The following MCC variants were observed in gnomAD, a reference collection of about 807,000 sequenced individuals.
The protein encoded by MCC is MCC regulator of Wnt signaling pathway.
Under a neutral mutation model 116.2 loss-of-function variants are expected in MCC, and 90 were observed. That is an observed-to-expected ratio of 0.77 (90% CI 0.65 to 0.92). The LOEUF is 0.92. Among genes scored for constraint, MCC ranks in the 40% least tolerant of loss-of-function variants. The pLI, the probability that MCC is intolerant of heterozygous loss-of-function variation, is 0.00. For missense variants in MCC, 1,516 were observed against 1,312.2 expected, an observed-to-expected ratio of 1.16 and a Z score of -2.40; for synonymous variants, 578 against 510.5, an observed-to-expected ratio of 1.13 and a Z score of -1.78.
intron 1 of MCC, among the ~76,000 whole-genome samples, chr5:113,474,283 G>A (rs1444445902): frequency 6.6e-6 from 1 of 152,164 alleles, no homozygotes; most frequent in African/African-American, 2.4e-5. Context: ...GTAGGAGTAT[G>A]TGCAAGGTAC....
At chr5:113,401,853 T>G (rs2150399057) in intron 1 of MCC, among the ~76,000 whole-genome samples, 1 of 152,030 alleles carries the variant, frequency 6.6e-6, no homozygotes, top group Middle Eastern at 3.4e-3. Context: ...TTAAAATTAT[T>G]ATTACTATTT....
intron 1 of MCC, among the ~76,000 whole-genome samples, chr5:113,393,190 G>A (rs565423895): frequency 1.3e-5 from 2 of 152,252 alleles, no homozygotes; most frequent in East Asian, 1.9e-4. Context: ...ACATGCATTT[G>A]TAATGTTGTT....
At chr5:113,357,286 A>G (rs925048867) in intron 2 of MCC, among the ~76,000 whole-genome samples, 1 of 152,238 alleles carries the variant, frequency 6.6e-6, no homozygotes, top group Admixed American at 6.5e-5. Context: ...ATTTTAGATA[A>G]TAGAAAGCAA....
At chr5:113,470,090 G>T (rs1772039617) in intron 1 of MCC, among the ~76,000 whole-genome samples, 1 of 150,880 alleles carries the variant, frequency 6.6e-6, no homozygotes, top group African/African-American at 2.4e-5. Context: ...CACATGAGAT[G>T]GGTTTCCTGA....
intron 3 of MCC, among the ~76,000 whole-genome samples, chr5:113,250,186 C>G (rs952441511): frequency 6.6e-6 from 1 of 152,186 alleles, no homozygotes; most frequent in South Asian, 2.1e-4. Context: ...ATAAGTCACA[C>G]AGGGCACTCT....
chr5:113,149,246 A>G (rs1240930143), intron 4 of MCC, among the ~76,000 whole-genome samples: 1 of 152,088 alleles, frequency 6.6e-6, no homozygotes, highest in Non-Finnish European at 1.5e-5. Context: ...TCTTAAAAAA[A>G]AAACACTGTA....
chr5:113,292,408 C>G (rs1187003500), intron 3 of MCC, among the ~76,000 whole-genome samples: 2 of 152,056 alleles, frequency 1.3e-5, no homozygotes, highest in South Asian at 4.1e-4. Context: ...AAGAAAAGAA[C>G]ATCTGGTAAA....
chr5:113,202,504 C>G (rs1409310946), intron 3 of MCC, among the ~76,000 whole-genome samples: 1 of 152,166 alleles, frequency 6.6e-6, no homozygotes, highest in East Asian at 1.9e-4. Flanking sequence ...CCTACAGGAT[C>G]ATCACTGTCA....
chr5:113,420,145 C>T (rs1383212181), intron 1 of MCC, among the ~76,000 whole-genome samples: 1 of 150,210 alleles, frequency 6.7e-6, no homozygotes, highest in African/African-American at 2.4e-5. Context: ...TTACTTAAAT[C>T]TTATACTTAA....
rs569987369 is a variant in MCC at position 113,027,965 on chromosome 5, C to T, written c.2880-483G>A. 5.3e-5 allele frequency among the ~76,000 whole-genome samples: 8 copies of T among 152,138 alleles called. No homozygotes were observed. The East Asian group carries it at 5.8e-4, about 11-fold the overall frequency. The stretch of plus-strand genomic sequence containing the variant: ...CTTTATGCTTTGGGCTGGTGGGACT[C>T]GGAATATTAAATTAGGCCATAAGCC... On this transcript the variant is annotated intron_variant, in intron 18 of 18. Coordinates refer to ENST00000408903, the MANE Select transcript of MCC (RefSeq NM_001085377.2).
At chr5:113,210,685 C>A (rs181599749) in intron 3 of MCC, among the ~76,000 whole-genome samples, 3 of 152,162 alleles carry the variant, frequency 2.0e-5, no homozygotes, top group Admixed American at 2.0e-4. Flanking sequence ...GTTCATGATA[C>A]CAGGGAAGCT....
intron 11 of MCC, among the ~76,000 whole-genome samples, chr5:113,074,318 C>A (rs1056956338): frequency 6.6e-6 from 1 of 152,190 alleles, no homozygotes; most frequent in Non-Finnish European, 1.5e-5. Context: ...AGCTGAGGGT[C>A]CTGACTATTA....
At chr5:113,101,655 C>T in intron 8 of MCC, 84 bp downstream of exon 8, 1 of 1,391,812 alleles carries the variant, frequency 7.2e-7, no homozygotes, top group South Asian at 1.2e-5. Flanking sequence ...ACAAAATTCT[C>T]ACGGTGCCCC....
At chr5:113,332,139 A>G (rs1159822749) in intron 3 of MCC, among the ~76,000 whole-genome samples, 1 of 151,632 alleles carries the variant, frequency 6.6e-6, no homozygotes, top group Non-Finnish European at 1.5e-5. Context: ...ATTTCCAAAT[A>G]CTACCCCAAA....
intron 3 of MCC, among the ~76,000 whole-genome samples, chr5:113,312,306 C>A (rs1251656626): frequency 6.6e-6 from 1 of 151,982 alleles, no homozygotes; most frequent in Non-Finnish European, 1.5e-5. Context: ...ACTGCAATGT[C>A]TTCTCTGAAG....
intron 17 of MCC, among the ~76,000 whole-genome samples, chr5:113,043,226 C>CTTA (rs1230389807): frequency 6.6e-6 from 1 of 152,214 alleles, no homozygotes; most frequent in African/African-American, 2.4e-5. Context: ...GTTTTCACCT[C>CTTA]ACTAGTTAAC....
At chr5:113,443,406 T>G (rs1351255058) in intron 1 of MCC, among the ~76,000 whole-genome samples, 6 of 152,320 alleles carry the variant, frequency 3.9e-5, no homozygotes, top group Admixed American at 3.3e-4. Flanking sequence ...TCTGAGATGA[T>G]GGGGTTTTTT....
chr5:113,421,548 T>C (rs1770334438), intron 1 of MCC, among the ~76,000 whole-genome samples: 1 of 152,188 alleles, frequency 6.6e-6, no homozygotes, highest in Non-Finnish European at 1.5e-5. Flanking sequence ...ATCAATACTT[T>C]TTGTATCCCC....
intron 16 of MCC, chr5:113,048,701 T>A: frequency 2.9e-6 from 1 of 343,636 alleles, no homozygotes; most frequent in Non-Finnish European, 5.2e-6. Context: ...GTTTCAGGCA[T>A]CTATGGGGGA....
Sources: allele counts gnomAD v4.1 joint callset (sites outside exome capture counted in the v4.1 genomes callset), GRCh38; gene constraint gnomAD v4.1.1; transcripts MANE v1.5; gene names NCBI Gene and HGNC (gene_info 2026-07-23, HGNC 2026-07-21).